Variants in TBC1D19 observed in about 807,000 individuals in gnomAD.
TBC1D19 encodes the protein TBC1 domain family, member 19.
A neutral mutation model predicts 89.0 loss-of-function variants in TBC1D19; 60 were observed. The ratio of observed to expected loss-of-function variants is 0.67; its 90% CI spans 0.55 to 0.84. The LOEUF is 0.84. TBC1D19 is among the 40% of genes least tolerant of loss of function. The probability of loss-of-function intolerance (pLI) is 0.00; values close to 1 mark genes in which losing one functional copy is unlikely to be tolerated. For synonymous variants in TBC1D19, 189 were observed against 199.7 expected, an observed-to-expected ratio of 0.95 and a Z score of 0.45; for missense variants, 500 against 610.8, an observed-to-expected ratio of 0.82 and a Z score of 1.91.
chr4:26,723,933 A>G (rs1392236326), intron 15 of TBC1D19, among the ~76,000 whole-genome samples: 2 of 152,228 alleles, frequency 1.3e-5, no homozygotes, highest in Non-Finnish European at 2.9e-5. Flanking sequence ...GAACTTAACA[A>G]TGAAAGGGAG....
chr4:26,818,687 T>C, the TBC1D19 span, among the ~76,000 whole-genome samples: 1 of 152,268 alleles, frequency 6.6e-6, no homozygotes, highest in Non-Finnish European at 1.5e-5. Context: ...CACACATTTT[T>C]GTCCTGAACC....
At chr4:26,719,781 A>T (rs1410775152) in intron 14 of TBC1D19, among the ~76,000 whole-genome samples, 1 of 152,122 alleles carries the variant, frequency 6.6e-6, no homozygotes, top group African/African-American at 2.4e-5. Flanking sequence ...AAACAATTTT[A>T]TGCATAATAA....
At chr4:26,591,554 T>G (rs1739809303) in intron 1 of TBC1D19, among the ~76,000 whole-genome samples, 1 of 152,042 alleles carries the variant, frequency 6.6e-6, no homozygotes. Context: ...CAGGAACTGG[T>G]TTTTTGAAAA....
chr4:26,749,032 C>T (rs977243470), intron 19 of TBC1D19, among the ~76,000 whole-genome samples: 1 of 152,200 alleles, frequency 6.6e-6, no homozygotes, highest in African/African-American at 2.4e-5. Context: ...TCTCTGACTT[C>T]CTCCCTGGTG....
chr4:26,757,841 T>A (rs2109342937), downstream of TBC1D19, among the ~76,000 whole-genome samples: 1 of 152,330 alleles, frequency 6.6e-6, no homozygotes. Context: ...GAATGCAGAT[T>A]TGATTGTGCC....
rs1455902717 is a variant in TBC1D19, at chr4:26,636,630, CA to C, written c.295-579del. On this transcript the variant is annotated intron_variant, in intron 4 of 20. Transcript: ENST00000264866. ...AAAACTATAAAAGATATTTTGGAGA[CA>C]ACTGGAAAATTTGAGTATATATGGA... 1.2e-4 allele frequency among the ~76,000 whole-genome samples: 18 copies of C among 151,712 alleles called. No individual in the cohort carries two copies. In the South Asian group the frequency reaches 1.9e-3, roughly 16 times the overall value.
intron 13 of TBC1D19, among the ~76,000 whole-genome samples, chr4:26,703,888 G>A (rs1394266809): frequency 6.6e-6 from 1 of 150,902 alleles, no homozygotes; most frequent in African/African-American, 2.5e-5. Flanking sequence ...GTGAACCAGG[G>A]AGGTGGAGTT....
the TBC1D19 span, among the ~76,000 whole-genome samples, chr4:26,772,170 C>G: frequency 7.1e-6 from 1 of 141,842 alleles, no homozygotes; most frequent in African/African-American, 2.7e-5. Context: ...TGTGGATTCT[C>G]TGCATCTCTT....
At chr4:26,625,974 A>G (rs908773520) in intron 4 of TBC1D19, among the ~76,000 whole-genome samples, 1 of 152,102 alleles carries the variant, frequency 6.6e-6, no homozygotes, top group Admixed American at 6.6e-5. Context: ...GTCACTACAT[A>G]TAGACCATAC....
chr4:26,741,362 C>CA (rs34342483), intron 17 of TBC1D19, among the ~76,000 whole-genome samples: 964 of 73,110 alleles, frequency 0.013, 19 homozygotes, highest in Middle Eastern at 0.015. Context: ...GACTCTGTCT[C>CA]AAAAAAAAAA....
intron 11 of TBC1D19, among the ~76,000 whole-genome samples, chr4:26,681,526 G>A (rs974699140): frequency 1.3e-5 from 2 of 152,010 alleles, no homozygotes; most frequent in Non-Finnish European, 2.9e-5. Context: ...ACTCCAGCCT[G>A]GGCGACAGAG....
chr4:26,659,849 T>C, intron 8 of TBC1D19, 142 bp downstream of exon 8: 1 of 496,068 alleles, frequency 2.0e-6, no homozygotes, highest in East Asian at 3.0e-5. Flanking sequence ...TTATTGCAAA[T>C]ATGTATATAG....
Position 26,688,357 on chromosome 4 carries a change from A to G in TBC1D19, c.904A>G (p.Thr302Ala). The G allele has an allele frequency of 6.4e-7, 1 of 1,570,562 alleles. No homozygotes were observed. The highest frequency in any genetic ancestry group is 1.4e-5 in the African/African-American group (1 of 73,976). Residue 302 changes from threonine to alanine, a missense_variant, in exon 13 of 21, where the codon ACA (threonine) becomes GCA (alanine). This residue lies in a region of TBC1D19 where 220 missense variants were observed against 319.1 expected (regional missense o/e 0.69). Transcript: ENST00000264866. ...CTTTTAATTATAGGATGTGAAGTTG[A>G]CAGCAAGCAATGATGATTATTATTT... ...DSLIYKDVKL[T>A]ASNDDYYFVF...
intron 17 of TBC1D19, chr4:26,740,786 G>A: frequency 1.0e-6 from 1 of 985,318 alleles, no homozygotes. Flanking sequence ...CCCCAAAGAG[G>A]CAACTGTATT....
At position 26,754,949 on chromosome 4, in the gene TBC1D19, C is replaced by A; in HGVS notation, c.*2C>A. The stretch of plus-strand genomic sequence containing the variant: ...TTTCTGTTTGCTACTGTCACCTGAT[C>A]TTCTTCACAGTCACTGGCAACACAT... On this transcript the variant is annotated 3_prime_UTR_variant, in exon 21 of 21. Coordinates refer to ENST00000264866, the MANE Select transcript of TBC1D19 (RefSeq NM_018317.4). The A allele has an allele frequency of 3.1e-6, 5 of 1,603,846 alleles. No individual in the cohort carries two copies. Among genetic ancestry groups the A allele is most frequent in the Non-Finnish European group, 4.2e-6 (5 of 1,176,644 alleles).
At chr4:26,680,565 C>G (rs1713245372) in intron 11 of TBC1D19, among the ~76,000 whole-genome samples, 1 of 152,114 alleles carries the variant, frequency 6.6e-6, no homozygotes, top group African/African-American at 2.4e-5. Flanking sequence ...TTATTAATTA[C>G]TTGATTGTAT....
At chr4:26,641,929 G>A (rs1743571594) in intron 7 of TBC1D19, among the ~76,000 whole-genome samples, 1 of 152,212 alleles carries the variant, frequency 6.6e-6, no homozygotes, top group Non-Finnish European at 1.5e-5. Context: ...ATGGGACTAT[G>A]TGAAAAGACC....
intron 1 of TBC1D19, among the ~76,000 whole-genome samples, chr4:26,603,710 T>G (rs1740779672): frequency 6.6e-6 from 1 of 152,240 alleles, no homozygotes; most frequent in South Asian, 2.1e-4. Flanking sequence ...TTTCTCTTTA[T>G]TTTTGAAAAT....
chr4:26,856,174 T>C, the TBC1D19 span, among the ~76,000 whole-genome samples: 26 of 134,996 alleles, frequency 1.9e-4, no homozygotes, highest in African/African-American at 6.2e-4. Context: ...CTTTATACTG[T>C]TTCTATGAGA....
Sources: allele counts gnomAD v4.1 joint callset (sites outside exome capture counted in the v4.1 genomes callset), GRCh38; gene constraint gnomAD v4.1.1; regional missense constraint gnomAD v4.1.1; transcripts MANE v1.5; gene names NCBI Gene and HGNC (gene_info 2026-07-23, HGNC 2026-07-21).